Variants in HUNK observed in about 807,000 individuals in gnomAD.
HUNK encodes hormonally up-regulated neu tumor-associated kinase.
A neutral mutation model predicts 61.0 loss-of-function variants in HUNK; 21 were observed. The ratio of observed to expected loss-of-function variants is 0.34; its 90% confidence interval spans 0.24 to 0.50. The LOEUF (loss-of-function observed/expected upper bound fraction) is 0.50. HUNK is among the 20% of genes least tolerant of loss of function. The pLI is 0.98. For missense variants in HUNK, 772 were observed against 945.7 expected (o/e 0.82, Z 2.41); for synonymous variants, 371 against 386.1 (o/e 0.96, Z 0.46).
chr21:31,881,403 G>C (rs1160556652), intron 1 of HUNK, among the ~76,000 whole-genome samples: 1 of 152,126 alleles, frequency 6.6e-6, no homozygotes, highest in African/African-American at 2.4e-5. Flanking sequence ...GAGGGAGGCA[G>C]ATCACCTGAG....
intron 1 of HUNK, among the ~76,000 whole-genome samples, chr21:31,899,239 A>G (rs2052446678): frequency 6.6e-6 from 1 of 152,168 alleles, no homozygotes; most frequent in Non-Finnish European, 1.5e-5. Flanking sequence ...AACAACAGAA[A>G]TTTATTATCT....
chr21:31,983,579 A>G lies in HUNK; in HGVS notation c.1227A>G (p.Glu409=). 6.2e-7 allele frequency: 1 copy of G among 1,613,870 alleles called. No individual in the cohort carries two copies. The highest frequency in any genetic ancestry group is 8.5e-7 in the Non-Finnish European group (1 of 1,179,946). The change falls in exon 8 of 11, where the codon GAA becomes GAG. Residue 409 remains glutamate (E), a synonymous_variant. Transcript: ENST00000270112. ...ACAAGACCCGGCTCTACCAGATAGAAAAGTACAGGGCCCCCAAGGAGTCCT... is the reference window on the plus strand; with the variant it reads ...ACAAGACCCGGCTCTACCAGATAGAGAAGTACAGGGCCCCCAAGGAGTCCT... The part of the protein sequence containing the change: ...LCYKTRLYQI[E]KYRAPKESYE...
chr21:31,976,328 T>C (rs2053048637), intron 7 of HUNK, among the ~76,000 whole-genome samples: 1 of 152,108 alleles, frequency 6.6e-6, no homozygotes, highest in African/African-American at 2.4e-5. Flanking sequence ...TATTATATGA[T>C]GAGGAGAGAT....
At chr21:31,968,406 G>T in intron 6 of HUNK, 21 bp downstream of exon 6, 1 of 1,613,928 alleles carries the variant, frequency 6.2e-7, no homozygotes, top group Non-Finnish European at 8.5e-7. Flanking sequence ...GCACCCAGAG[G>T]AACTCCTCGG....
chr21:31,930,529 T>G (rs2052689290), intron 2 of HUNK, among the ~76,000 whole-genome samples: 1 of 152,240 alleles, frequency 6.6e-6, no homozygotes, highest in South Asian at 2.1e-4. Context: ...CCCTCCAGGC[T>G]TGGCCCCCTG....
chr21:31,888,769 A>C (rs1339691611), intron 1 of HUNK, among the ~76,000 whole-genome samples: 1 of 151,752 alleles, frequency 6.6e-6, no homozygotes, highest in Non-Finnish European at 1.5e-5. Flanking sequence ...AACAAACAAA[A>C]AAATGCAAAA....
chr21:31,983,335 C>T (rs1340005787), intron 7 of HUNK, among the ~76,000 whole-genome samples, 191 bp from the exon 8 acceptor site: 1 of 152,182 alleles, frequency 6.6e-6, no homozygotes, highest in South Asian at 2.1e-4. Flanking sequence ...TGACTCTGCG[C>T]CCAGGGCTCT....
At chr21:31,941,120 TC>T (rs1270115276) in intron 3 of HUNK, among the ~76,000 whole-genome samples, 1 of 152,182 alleles carries the variant, frequency 6.6e-6, no homozygotes, top group Non-Finnish European at 1.5e-5. Context: ...AGCTCCCAAT[TC>T]AGTACTGGGC....
chr21:31,882,331 A>G (rs1293603714), intron 1 of HUNK, among the ~76,000 whole-genome samples: 2 of 152,134 alleles, frequency 1.3e-5, no homozygotes, highest in African/African-American at 4.8e-5. Context: ...GGAATTGGTA[A>G]TACAGACACA....
chr21:31,934,782 A>AATTT (rs2052721689), intron 2 of HUNK, among the ~76,000 whole-genome samples: 1 of 151,764 alleles, frequency 6.6e-6, no homozygotes, highest in African/African-American at 2.4e-5. Flanking sequence ...TTTCTTTGTT[A>AATTT]ATTTGCTCAG....
chr21:31,937,044 C>T (rs114812040), intron 2 of HUNK, among the ~76,000 whole-genome samples: 150 of 152,232 alleles, frequency 9.9e-4, no homozygotes, highest in African/African-American at 3.2e-3. Flanking sequence ...TCAGGGTTCA[C>T]GGAATCACAG....
At chr21:31,971,337 G>T (rs1376057406) in intron 6 of HUNK, among the ~76,000 whole-genome samples, 1 of 152,140 alleles carries the variant, frequency 6.6e-6, no homozygotes, top group African/African-American at 2.4e-5. Context: ...CTCCCAAAGT[G>T]CTGGGATTAT....
chr21:31,906,904 G>A (rs1601370257), intron 1 of HUNK, among the ~76,000 whole-genome samples: 1 of 152,244 alleles, frequency 6.6e-6, no homozygotes, highest in East Asian at 1.9e-4. Context: ...GCCCGGTGTG[G>A]TGGCTCACAC....
intron 1 of HUNK, among the ~76,000 whole-genome samples, chr21:31,915,317 T>C (rs528517762): frequency 2.0e-5 from 3 of 152,308 alleles, no homozygotes; most frequent in Non-Finnish European, 4.4e-5. Context: ...TAGTATACAG[T>C]ATTCATTAAG....
chr21:31,949,175 G>T (rs60380749), intron 4 of HUNK, among the ~76,000 whole-genome samples: 2 of 152,362 alleles, frequency 1.3e-5, no homozygotes, highest in East Asian at 3.9e-4. Context: ...GTGTGGTCTG[G>T]TGTGCAGGCT....
chr21:31,937,292 C>T (rs2052738918), intron 2 of HUNK, among the ~76,000 whole-genome samples: 1 of 152,164 alleles, frequency 6.6e-6, no homozygotes. Flanking sequence ...ATTTGGCTCA[C>T]TGATGACTTT....
intron 7 of HUNK, among the ~76,000 whole-genome samples, chr21:31,978,500 G>A (rs910328957): frequency 6.6e-6 from 1 of 151,852 alleles, no homozygotes; most frequent in Non-Finnish European, 1.5e-5. Flanking sequence ...ATCCCCTTCA[G>A]CCTCTGGTAA....
intron 5 of HUNK, among the ~76,000 whole-genome samples, chr21:31,959,915 G>T (rs2052915514): frequency 6.6e-6 from 1 of 152,218 alleles, no homozygotes; most frequent in African/African-American, 2.4e-5. Flanking sequence ...CCTCAAGGGA[G>T]GGGAGACTCT....
chr21:31,953,845 A>G (rs2052869551), intron 4 of HUNK, among the ~76,000 whole-genome samples: 1 of 152,180 alleles, frequency 6.6e-6, no homozygotes, highest in Non-Finnish European at 1.5e-5. Context: ...GAATTCTGGA[A>G]TCAGTTTGTA....
Sources: gnomAD v4.1 joint callset for allele counts (sites outside exome capture counted in the v4.1 genomes callset) on GRCh38, gnomAD v4.1.1 for gene constraint, MANE v1.5 for transcripts, NCBI Gene and HGNC (gene_info 2026-07-23, HGNC 2026-07-21) for gene names.